ASAP1: variants seen among roughly 807,000 people sequenced by gnomAD.
The protein encoded by ASAP1 is ArfGAP with SH3 domain, ankyrin repeat and PH domain 1.
In ASAP1, 43 loss-of-function variants were observed where a neutral mutation model predicts 145.2. The ratio of observed to expected loss-of-function variants is 0.30; its 90% CI spans 0.23 to 0.38. ASAP1 has a LOEUF of 0.38. Ranked by LOEUF, ASAP1 falls within the 10% of genes least tolerant of loss-of-function variation. ASAP1 has a pLI of 1.00. For synonymous variants in ASAP1, 546 were observed against 515.5 expected, an observed-to-expected ratio of 1.06 and a Z score of -0.80; for missense variants, 1,018 against 1,355.3, an observed-to-expected ratio of 0.75 and a Z score of 3.91.
At chr8:130,090,198 T>C (rs2097502612) in intron 25 of ASAP1, among the ~76,000 whole-genome samples, 1 of 152,172 alleles carries the variant, frequency 6.6e-6, no homozygotes, top group Non-Finnish European at 1.5e-5. Context: ...AAGCAGAAAT[T>C]TGGTAAATTT....
intron 3 of ASAP1, among the ~76,000 whole-genome samples, chr8:130,341,889 G>C (rs1057015293): frequency 6.6e-6 from 1 of 152,132 alleles, no homozygotes; most frequent in Non-Finnish European, 1.5e-5. Context: ...GAGACTCTTG[G>C]CATTGTTTTC....
chr8:130,355,123 C>G (rs1231413425), intron 3 of ASAP1, among the ~76,000 whole-genome samples: 2 of 152,196 alleles, frequency 1.3e-5, no homozygotes, highest in African/African-American at 4.8e-5. Flanking sequence ...AAGTGATCCA[C>G]CTGCCTCAGC....
chr8:130,267,026 G>A (rs1820288150), intron 3 of ASAP1, among the ~76,000 whole-genome samples: 2 of 149,904 alleles, frequency 1.3e-5, no homozygotes, highest in South Asian at 2.1e-4. Context: ...AGGTACCGCC[G>A]CCACCCACCC....
At chr8:130,069,590 G>A (rs1176211529) in intron 27 of ASAP1, 1 of 152,192 alleles carries the variant, frequency 6.6e-6, no homozygotes, top group East Asian at 1.9e-4. Context: ...TTCATGAGCA[G>A]GGGCCATGCT....
chr8:130,064,137 T>C (rs1324419212), intron 27 of ASAP1, among the ~76,000 whole-genome samples: 2 of 152,038 alleles, frequency 1.3e-5, no homozygotes, highest in African/African-American at 4.8e-5. Context: ...AGTGACATGA[T>C]TGAATGTGGA....
chr8:130,060,075 C>CA (rs55875346), intron 28 of ASAP1, among the ~76,000 whole-genome samples: 2,819 of 95,556 alleles, frequency 0.03, 229 homozygotes, highest in Non-Finnish European at 0.039. Context: ...GAGCCCTTCT[C>CA]AAAAAAAAAA....
intron 4 of ASAP1, among the ~76,000 whole-genome samples, chr8:130,232,919 T>C (rs1224071196): frequency 6.6e-6 from 1 of 152,232 alleles, no homozygotes; most frequent in African/African-American, 2.4e-5. Context: ...GTGGTTTCTC[T>C]GGATGAGGCC....
At chr8:130,402,924 T>C (rs1828862564) in intron 1 of ASAP1, among the ~76,000 whole-genome samples, 1 of 70,746 alleles carries the variant, frequency 1.4e-5, no homozygotes, top group African/African-American at 8.4e-5. Flanking sequence ...TGTGGGGTTT[T>C]TTTTTTTTTA....
chr8:130,344,356 G>A (rs1039959923), intron 3 of ASAP1, among the ~76,000 whole-genome samples: 1 of 151,816 alleles, frequency 6.6e-6, no homozygotes, highest in Non-Finnish European at 1.5e-5. Flanking sequence ...TTTTTCAGAC[G>A]AGAAAACATA....
chr8:130,102,813 ATAGT>A (rs1281296025), intron 24 of ASAP1, among the ~76,000 whole-genome samples: 1 of 152,082 alleles, frequency 6.6e-6, no homozygotes, highest in Non-Finnish European at 1.5e-5. Flanking sequence ...AGCCTTCTAC[ATAGT>A]TAGCACCACA....
chr8:130,104,625 C>G (rs2097534072), intron 24 of ASAP1, among the ~76,000 whole-genome samples: 1 of 152,218 alleles, frequency 6.6e-6, no homozygotes, highest in Non-Finnish European at 1.5e-5. Context: ...CAAGTATACC[C>G]TTTCTACAGA....
intron 24 of ASAP1, among the ~76,000 whole-genome samples, chr8:130,108,812 G>A (rs1340071402): frequency 1.3e-5 from 1 of 78,996 alleles, no homozygotes; most frequent in African/African-American, 5.2e-5. Flanking sequence ...TTTCACTCTT[G>A]TTGCCCAGGC....
intron 27 of ASAP1, among the ~76,000 whole-genome samples, chr8:130,072,824 T>TGTGCGCGC: frequency 1.6e-4 from 5 of 32,210 alleles, no homozygotes; most frequent in Admixed American, 3.6e-4. Flanking sequence ...TGTGTGTGTG[T>TGTGCGCGC]GCGCGCGGGG....
At chr8:130,400,016 C>G (rs118123858) in intron 2 of ASAP1, among the ~76,000 whole-genome samples, 5,210 of 152,188 alleles carry the variant, frequency 0.034, 124 homozygotes, top group Middle Eastern at 0.075. Flanking sequence ...GACAGAGTTT[C>G]TCCATGTTGC....
At chr8:130,344,355 C>T (rs368250913) in intron 3 of ASAP1, among the ~76,000 whole-genome samples, 18 of 151,334 alleles carry the variant, frequency 1.2e-4, no homozygotes, top group East Asian at 9.7e-4. Flanking sequence ...TTTTTTCAGA[C>T]GAGAAAACAT....
intron 3 of ASAP1, among the ~76,000 whole-genome samples, chr8:130,294,980 T>C (rs1282720327): frequency 1.3e-5 from 2 of 152,138 alleles, no homozygotes; most frequent in Admixed American, 1.3e-4. Flanking sequence ...AAAAATGTCC[T>C]AGGCTGGGAG....
intron 3 of ASAP1, among the ~76,000 whole-genome samples, chr8:130,311,487 T>G (rs1481529260): frequency 1.3e-5 from 2 of 152,134 alleles, no homozygotes; most frequent in African/African-American, 4.8e-5. Flanking sequence ...TAGGGTCCAG[T>G]GTGGTGGCTC....
At chr8:130,182,137 C>G (rs1252414530) in intron 7 of ASAP1, among the ~76,000 whole-genome samples, 1 of 152,242 alleles carries the variant, frequency 6.6e-6, no homozygotes, top group Non-Finnish European at 1.5e-5. Flanking sequence ...AGCTCTTTCT[C>G]CACTGATGTG....
Position 130,343,705 on chromosome 8 carries a change from G to C in ASAP1, c.186+14312C>G, listed in dbSNP as rs185369983. Reference sequence around the variant, plus strand: ...TGACAGATATACACAAATATTCACCGCTCCAAGGTGAACAACAGGTCCTCC... The same window carrying C: ...TGACAGATATACACAAATATTCACCCCTCCAAGGTGAACAACAGGTCCTCC... On this transcript the variant is annotated intron_variant, in intron 3 of 29. Coordinates refer to ENST00000518721, the MANE Select transcript of ASAP1 (RefSeq NM_018482.4). Among the ~76,000 whole-genome samples the C allele has an allele frequency of 8.9e-4, 136 of 152,276 alleles. 1 individual carries two copies. The highest frequency in any genetic ancestry group is 5.4e-4 in the Non-Finnish European group (37 of 68,022).
Sources: allele counts gnomAD v4.1 joint callset (sites outside exome capture counted in the v4.1 genomes callset), GRCh38; gene constraint gnomAD v4.1.1; transcripts MANE v1.5; gene names NCBI Gene and HGNC (gene_info 2026-07-23, HGNC 2026-07-21).